Variants in RBFOX1 observed in about 807,000 individuals in gnomAD.
The protein encoded by RBFOX1 is RNA binding protein fox-1 homolog 1.
Under a neutral mutation model 57.7 loss-of-function variants are expected in RBFOX1, and 8 were observed. The ratio of observed to expected loss-of-function variants is 0.14; its 90% CI spans 0.08 to 0.25. RBFOX1 has a LOEUF of 0.25. Ranked by LOEUF, RBFOX1 falls within the 10% of genes least tolerant of loss-of-function variation. The pLI is 1.00. For missense variants in RBFOX1, 611 were observed against 548.5 expected (o/e 1.11, Z -1.14); for synonymous variants, 326 against 222.4 (o/e 1.47, Z -4.15).
At chr16:5,320,757 A>G (rs2064379279) in intron 1 of RBFOX1, among the ~76,000 whole-genome samples, 1 of 152,182 alleles carries the variant, frequency 6.6e-6, no homozygotes, top group South Asian at 2.1e-4. Context: ...CACCCTTGAT[A>G]TCGGGACCAC....
chr16:7,481,361 CAT>C (rs1459729115), intron 4 of RBFOX1, among the ~76,000 whole-genome samples: 3 of 152,180 alleles, frequency 2.0e-5, no homozygotes, highest in Admixed American at 1.3e-4. Context: ...AATGTATGCA[CAT>C]ATGTCAGGTG....
At chr16:6,312,878 C>G (rs1030163393) in intron 1 of RBFOX1, among the ~76,000 whole-genome samples, 1 of 152,122 alleles carries the variant, frequency 6.6e-6, no homozygotes, top group Non-Finnish European at 1.5e-5. Context: ...CCACACAGCT[C>G]CTGCCCTCAT....
intron 3 of RBFOX1, among the ~76,000 whole-genome samples, chr16:6,969,592 A>G (rs1241238704): frequency 6.6e-6 from 1 of 151,966 alleles, no homozygotes; most frequent in Non-Finnish European, 1.5e-5. Context: ...AATAAAAAAA[A>G]AATTAGTTGG....
At chr16:6,921,314 T>C (rs2074393583) in intron 3 of RBFOX1, among the ~76,000 whole-genome samples, 1 of 152,242 alleles carries the variant, frequency 6.6e-6, no homozygotes, top group African/African-American at 2.4e-5. Flanking sequence ...GTTCATGCTC[T>C]CACATGACTC....
rs905929407 is a variant in RBFOX1, at chr16:7,710,977, G to T, written c.*232G>T. Reference sequence around the variant, plus strand: ...AGGTTCCGTAGTTTGGTTGCTGGCTGTAGGAGTTTTTGTGGTTGATCTAGA... The same window carrying T: ...AGGTTCCGTAGTTTGGTTGCTGGCTTTAGGAGTTTTTGTGGTTGATCTAGA... On this transcript the variant is annotated 3_prime_UTR_variant, in exon 16 of 16. Transcript: ENST00000550418. 1.3e-5 allele frequency: 6 copies of T among 476,092 alleles called. No individual in the cohort carries two copies. Among genetic ancestry groups the T allele is most frequent in the African/African-American group, 1.2e-4 (6 of 49,460 alleles). The allele number at this position is 476,092 out of a possible 1,614,324, so 29.5% of individuals were successfully genotyped here.
At chr16:7,424,793 A>C (rs1172621846) in intron 4 of RBFOX1, among the ~76,000 whole-genome samples, 1 of 152,218 alleles carries the variant, frequency 6.6e-6, no homozygotes, top group East Asian at 1.9e-4. Context: ...CAGCTGAAAC[A>C]ATCACATAAT....
chr16:6,932,813 T>C (rs1216937784), intron 3 of RBFOX1, among the ~76,000 whole-genome samples: 1 of 152,232 alleles, frequency 6.6e-6, no homozygotes, highest in Non-Finnish European at 1.5e-5. Context: ...AGTCACACTG[T>C]TGTGTAACCA....
chr16:7,478,509 G>A (rs1032798583), intron 4 of RBFOX1, among the ~76,000 whole-genome samples: 1 of 152,188 alleles, frequency 6.6e-6, no homozygotes, highest in Admixed American at 6.5e-5. Flanking sequence ...TAGAGAGGGG[G>A]AGTCCCTGGT....
rs376316391 is a variant in RBFOX1 at position 5,867,458 on chromosome 16, G to C, written c.351+123G>C. On this transcript the variant is annotated intron_variant, in intron 4 of 19. Transcript: ENST00000641259. ...GTTTCATTTCCTGGTGGCTTGGATG[G>C]TGTGTTTTCAGTTGAGTGGTTTCTG... 1.7e-5 allele frequency: 12 copies of C among 696,122 alleles called. No individual in the cohort carries two copies. In the South Asian group the frequency reaches 8.3e-4, roughly 48 times the overall value. 43.1% of individuals were successfully genotyped at this position (696,122 alleles called of 1,614,324 possible). A position where few individuals can be genotyped will look rare whatever the true frequency, so the allele number is the denominator to read the frequency against.
Position 6,464,869 on chromosome 16 carries a change from T to C in RBFOX1, c.-64+147812T>C, listed in dbSNP as rs1479151159. Among the ~76,000 whole-genome samples, 3 of 152,244 alleles carry C rather than the reference T, an allele frequency of 2.0e-5. No homozygotes were observed. In the East Asian group the frequency reaches 5.8e-4, roughly 29 times the overall value. ...AGTGCGTTAAAAACAGGTAGTACTATACAGCAGTAGGAGAATGTAGCCTCC... is the reference window on the plus strand; with the variant it reads ...AGTGCGTTAAAAACAGGTAGTACTACACAGCAGTAGGAGAATGTAGCCTCC... On this transcript the variant is annotated intron_variant, in intron 2 of 15. Transcript: ENST00000550418.
chr16:7,193,755 A>T (rs7201982), intron 4 of RBFOX1, among the ~76,000 whole-genome samples: 90,280 of 152,058 alleles, frequency 0.59, 26,953 homozygotes, highest in Middle Eastern at 0.64. Flanking sequence ...ACCATGGTAG[A>T]CAGCTCAGAA....
At chr16:7,158,260 C>T (rs2077548650) in intron 4 of RBFOX1, among the ~76,000 whole-genome samples, 1 of 152,044 alleles carries the variant, frequency 6.6e-6, no homozygotes, top group African/African-American at 2.4e-5. Flanking sequence ...GCAGGAGAAT[C>T]ACTTGAAACT....
chr16:5,690,796 C>T (rs2050652558), intron 3 of RBFOX1, among the ~76,000 whole-genome samples: 1 of 152,180 alleles, frequency 6.6e-6, no homozygotes, highest in Non-Finnish European at 1.5e-5. Flanking sequence ...GAAACCTGAC[C>T]ATGCCTAGGC....
At chr16:7,431,526 C>T (rs2098680035) in intron 4 of RBFOX1, among the ~76,000 whole-genome samples, 1 of 152,164 alleles carries the variant, frequency 6.6e-6, no homozygotes, top group Non-Finnish European at 1.5e-5. Context: ...GGGCGTGAGC[C>T]ACCGCGCCAC....
At chr16:6,863,099 T>C (rs557206783) in intron 3 of RBFOX1, among the ~76,000 whole-genome samples, 4 of 152,248 alleles carry the variant, frequency 2.6e-5, no homozygotes, top group African/African-American at 9.6e-5. Context: ...GGAAGGATTT[T>C]TACAGATTAT....
intron 3 of RBFOX1, among the ~76,000 whole-genome samples, chr16:6,691,575 A>G (rs186215674): frequency 6.6e-5 from 10 of 152,262 alleles, no homozygotes; most frequent in African/African-American, 2.4e-4. Flanking sequence ...ATCATTTGAT[A>G]TCATCTTTAC....
At chr16:6,638,918 A>G (rs2098465168) in intron 2 of RBFOX1, among the ~76,000 whole-genome samples, 1 of 152,172 alleles carries the variant, frequency 6.6e-6, no homozygotes, top group South Asian at 2.1e-4. Flanking sequence ...ATTTTCTACC[A>G]GGAAGCAAAA....
intron 4 of RBFOX1, among the ~76,000 whole-genome samples, chr16:7,499,870 A>G (rs1460292626): frequency 1.3e-5 from 2 of 152,044 alleles, no homozygotes; most frequent in Admixed American, 6.6e-5. Context: ...CCAGACTTCT[A>G]CACTGTGAGT....
intron 3 of RBFOX1, among the ~76,000 whole-genome samples, chr16:5,663,327 C>T (rs1257050319): frequency 6.6e-6 from 1 of 152,022 alleles, no homozygotes; most frequent in East Asian, 1.9e-4. Context: ...CTTTCCATTT[C>T]CCAGGTAGTT....
Sources: allele counts gnomAD v4.1 joint callset (sites outside exome capture counted in the v4.1 genomes callset), GRCh38; gene constraint gnomAD v4.1.1; transcripts MANE v1.5; gene names NCBI Gene and HGNC (gene_info 2026-07-23, HGNC 2026-07-21).